Variants in ARAP2 observed in about 807,000 individuals in gnomAD.
ARAP2 encodes arf-GAP with Rho-GAP domain, ANK repeat and PH domain-containing protein 2.
ARAP2 carries 148 observed loss-of-function variants against 194.5 expected under a neutral mutation model. That is an observed-to-expected ratio of 0.76 (90% confidence interval 0.67 to 0.87). The LOEUF is 0.87. Among genes scored for constraint, ARAP2 ranks in the 40% least tolerant of loss-of-function variants. The pLI, the probability that ARAP2 is intolerant of heterozygous loss-of-function variation, is 0.00. For missense variants in ARAP2, 2,128 were observed against 1,989.7 expected (o/e 1.07, Z -1.32); for synonymous variants, 695 against 683.5 (o/e 1.02, Z -0.26).
At chr4:36,120,847 A>G (rs988173298) in intron 23 of ARAP2, among the ~76,000 whole-genome samples, 7 of 151,694 alleles carry the variant, frequency 4.6e-5, no homozygotes, top group Non-Finnish European at 8.9e-5. Flanking sequence ...GTATTTATTA[A>G]TGAATTGTTC....
intron 8 of ARAP2, among the ~76,000 whole-genome samples, chr4:36,181,776 T>C (rs1214674595): frequency 6.6e-6 from 1 of 152,214 alleles, no homozygotes; most frequent in East Asian, 1.9e-4. Flanking sequence ...GACCTTATTC[T>C]CCTGGAGTTT....
intron 9 of ARAP2, among the ~76,000 whole-genome samples, chr4:36,175,595 A>T (rs932253465): frequency 3.3e-5 from 5 of 151,998 alleles, no homozygotes; most frequent in Admixed American, 6.6e-5. Flanking sequence ...AATGCAATTT[A>T]AAAAAAACAC....
intron 19 of ARAP2, among the ~76,000 whole-genome samples, chr4:36,141,454 G>T (rs547563089): frequency 6.6e-6 from 1 of 151,732 alleles, no homozygotes; most frequent in South Asian, 2.1e-4. Flanking sequence ...TGCTGTGTGT[G>T]TGGAAAATAT....
intron 8 of ARAP2, among the ~76,000 whole-genome samples, chr4:36,184,622 CTGTT>C (rs935839047): frequency 4.6e-5 from 7 of 152,236 alleles, no homozygotes; most frequent in Admixed American, 3.9e-4. Context: ...TAAAACGTGT[CTGTT>C]TAACTTTTAA....
intron 22 of ARAP2, among the ~76,000 whole-genome samples, chr4:36,122,330 C>A (rs547737242): frequency 1.3e-5 from 2 of 151,846 alleles, no homozygotes; most frequent in African/African-American, 2.4e-5. Flanking sequence ...ATATTCACTG[C>A]AGCACTGTTC....
intron 1 of ARAP2, among the ~76,000 whole-genome samples, chr4:36,232,283 T>C (rs1165527763): frequency 1.3e-5 from 2 of 152,242 alleles, no homozygotes; most frequent in African/African-American, 2.4e-5. Flanking sequence ...TGCAATCGTC[T>C]CTGAACAAAT....
intron 1 of ARAP2, among the ~76,000 whole-genome samples, chr4:36,060,195 G>T (rs1294961665): frequency 2.0e-5 from 3 of 152,128 alleles, no homozygotes; most frequent in African/African-American, 4.8e-5. Context: ...TTACTCAGTC[G>T]TTTAACTGAG....
chr4:36,215,763 T>C (rs1434576370), intron 2 of ARAP2, among the ~76,000 whole-genome samples: 2 of 152,030 alleles, frequency 1.3e-5, no homozygotes, highest in African/African-American at 4.8e-5. Context: ...GTGGGAGGAC[T>C]GCTTGAGCCC....
intron 26 of ARAP2, among the ~76,000 whole-genome samples, chr4:36,113,898 C>A (rs948250243): frequency 6.6e-6 from 1 of 151,926 alleles, no homozygotes; most frequent in African/African-American, 2.4e-5. Flanking sequence ...CAAATCAAAT[C>A]GCTTGTCCTT....
At chr4:36,126,633 T>C (rs1198667686) in intron 21 of ARAP2, among the ~76,000 whole-genome samples, 1 of 152,044 alleles carries the variant, frequency 6.6e-6, no homozygotes, top group Non-Finnish European at 1.5e-5. Flanking sequence ...CCAGCTAAAC[T>C]ATACTGTTGG....
intron 28 of ARAP2, among the ~76,000 whole-genome samples, chr4:36,084,736 A>G (rs1296170869): frequency 6.6e-6 from 1 of 152,142 alleles, no homozygotes; most frequent in African/African-American, 2.4e-5. Flanking sequence ...AATACAGGGG[A>G]AAAGTAACCA....
At chr4:36,081,194 A>AC (rs1729458301) in intron 30 of ARAP2, among the ~76,000 whole-genome samples, 1 of 152,102 alleles carries the variant, frequency 6.6e-6, no homozygotes, top group African/African-American at 2.4e-5. Flanking sequence ...TTAATTCCGT[A>AC]CCCTTGTTTA....
chr4:36,180,275 C>A (rs574283528), intron 8 of ARAP2, among the ~76,000 whole-genome samples: 2 of 151,766 alleles, frequency 1.3e-5, no homozygotes, highest in South Asian at 2.1e-4. Flanking sequence ...TTCGTCCCCC[C>A]GCTCCCCCGC....
At chr4:36,030,178 C>A (rs1482989892) in intron 5 of ARAP2, among the ~76,000 whole-genome samples, 1 of 152,030 alleles carries the variant, frequency 6.6e-6, no homozygotes, top group Non-Finnish European at 1.5e-5. Flanking sequence ...GACAGCTTGG[C>A]TGGAAATAAG....
intron 10 of ARAP2, among the ~76,000 whole-genome samples, chr4:36,166,590 A>T (rs1007594639): frequency 2.6e-5 from 4 of 152,046 alleles, no homozygotes; most frequent in Admixed American, 6.6e-5. Flanking sequence ...ATAGCAATAC[A>T]ACTTAAAGAC....
chr4:36,037,061 G>T (rs1459791759), intron 5 of ARAP2, among the ~76,000 whole-genome samples: 2 of 152,064 alleles, frequency 1.3e-5, no homozygotes, highest in Non-Finnish European at 2.9e-5. Context: ...CATACAGCAT[G>T]GTTTCTAGTC....
chr4:36,177,193 TA>T (rs1278831764), intron 9 of ARAP2, among the ~76,000 whole-genome samples: 1 of 152,170 alleles, frequency 6.6e-6, no homozygotes, highest in East Asian at 1.9e-4. Context: ...TCAAAACATT[TA>T]AATACTCTAT....
At chr4:36,179,520 G>A (rs1738742447) in intron 8 of ARAP2, among the ~76,000 whole-genome samples, 1 of 152,186 alleles carries the variant, frequency 6.6e-6, no homozygotes, top group South Asian at 2.1e-4. Context: ...AATTAACATA[G>A]AGTGTAAAAG....
At chr4:36,012,310 T>A (rs957830889) in intron 9 of ARAP2, among the ~76,000 whole-genome samples, 1 of 152,222 alleles carries the variant, frequency 6.6e-6, no homozygotes, top group Non-Finnish European at 1.5e-5. Context: ...ACACTTGCTT[T>A]GGTAGAAAAC....
Sources: allele counts gnomAD v4.1 joint callset (sites outside exome capture counted in the v4.1 genomes callset), GRCh38; gene constraint gnomAD v4.1.1; transcripts MANE v1.5; gene names NCBI Gene and HGNC (gene_info 2026-07-23, HGNC 2026-07-21).